AGAP1: variants seen among roughly 807,000 people sequenced by gnomAD.
AGAP1 encodes the protein arf-GAP with GTPase, ANK repeat and PH domain-containing protein 1.
In AGAP1, 29 loss-of-function variants were observed where a neutral mutation model predicts 105.3. The observed-to-expected ratio is 0.28, with a 90% CI of 0.21 to 0.38. AGAP1 has a LOEUF of 0.38. AGAP1 is among the 10% of genes least tolerant of loss of function. AGAP1 has a pLI of 1.00. For synonymous variants in AGAP1, 509 were observed against 485.9 expected, an observed-to-expected ratio of 1.05 and a Z score of -0.63; for missense variants, 998 against 1,165.1, an observed-to-expected ratio of 0.86 and a Z score of 2.09.
At chr2:235,918,165 C>T (rs1222391458) in intron 11 of AGAP1, among the ~76,000 whole-genome samples, 1 of 152,194 alleles carries the variant, frequency 6.6e-6, no homozygotes, top group African/African-American at 2.4e-5. Context: ...ACCAAGGTCA[C>T]TCGGGAGTTT....
At chr2:236,066,011 G>A (rs1044902925) in intron 16 of AGAP1, among the ~76,000 whole-genome samples, 2 of 152,180 alleles carry the variant, frequency 1.3e-5, no homozygotes, top group African/African-American at 2.4e-5. Flanking sequence ...GTCACTACTC[G>A]TGGCCCTCAG....
chr2:236,055,399 G>A lies in AGAP1; in HGVS notation c.2114+6118G>A, dbSNP rs1002359296. Among the ~76,000 whole-genome samples the A allele has an allele frequency of 6.6e-6, 1 of 152,252 alleles. No individual in the cohort carries two copies. The highest frequency in any genetic ancestry group is 2.1e-4 in the South Asian group (1 of 4,834). On this transcript the variant is annotated intron_variant, in intron 16 of 17. Coordinates refer to ENST00000304032, the MANE Select transcript of AGAP1 (RefSeq NM_001037131.3). This position sits in a 1 kb window ranked among gnomAD's most constrained non-coding sequence, Gnocchi z 6.2. The stretch of plus-strand genomic sequence containing the variant: ...GAGAATTCTGTTTGTGGAGGAAGCT[G>A]CTGTGCTCTGTGAGCCTCGTCTCTT...
intron 1 of AGAP1, among the ~76,000 whole-genome samples, chr2:235,587,148 T>TA (rs1945138502): frequency 6.6e-6 from 1 of 152,202 alleles, no homozygotes. Context: ...GTGGTGATAA[T>TA]AGACTCACGT....
At chr2:235,795,515 C>A (rs1160807957) in intron 6 of AGAP1, among the ~76,000 whole-genome samples, 1 of 152,128 alleles carries the variant, frequency 6.6e-6, no homozygotes, top group Non-Finnish European at 1.5e-5. Context: ...TTAAAGTTTT[C>A]CCTTATTCGT....
chr2:235,788,817 C>T lies in AGAP1; in HGVS notation c.674-8942C>T, dbSNP rs1956802495. On this transcript the variant is annotated intron_variant, in intron 6 of 17. Transcript: ENST00000304032. This position sits in a 1 kb window ranked among gnomAD's most constrained non-coding sequence, Gnocchi z 6.0. ...TCAGACCGGCAGTAGACAAAACCAG[C>T]TGCGGGGCCACACCACGTTAGGGTG... Among the ~76,000 whole-genome samples, 1 of 152,170 alleles carries T rather than the reference C, an allele frequency of 6.6e-6. No homozygotes were observed. The highest frequency in any genetic ancestry group is 1.5e-5 in the Non-Finnish European group (1 of 68,020).
intron 1 of AGAP1, among the ~76,000 whole-genome samples, chr2:235,513,926 G>A (rs1394056955): frequency 6.6e-6 from 1 of 152,146 alleles, no homozygotes; most frequent in Non-Finnish European, 1.5e-5. Context: ...GAACCCTCCC[G>A]AGAATGATTG....
chr2:236,000,650 G>T lies in AGAP1; in HGVS notation c.1645+32027G>T, dbSNP rs1231994145. 6.6e-6 allele frequency among the ~76,000 whole-genome samples: 1 copy of T among 152,224 alleles called. No individual in the cohort carries two copies. Among genetic ancestry groups the T allele is most frequent in the Non-Finnish European group, 1.5e-5 (1 of 68,034 alleles). Reference sequence around the variant, plus strand: ...GGACATCGTTGGCACTCACTTCCCTGCAGGGAGGTGCACAGTGAAGAATAA... The same window carrying T: ...GGACATCGTTGGCACTCACTTCCCTTCAGGGAGGTGCACAGTGAAGAATAA... On this transcript the variant is annotated intron_variant, in intron 13 of 17. Coordinates refer to ENST00000304032, the MANE Select transcript of AGAP1 (RefSeq NM_001037131.3). The surrounding 1 kb of genome is among the most constrained non-coding windows in gnomAD (Gnocchi z 4.3).
rs1189652225 is a variant in AGAP1 at position 235,751,832 on chromosome 2, G to A, written c.673+1344G>A. On this transcript the variant is annotated intron_variant, in intron 6 of 17. Transcript: ENST00000304032. The surrounding 1 kb of genome is among the most constrained non-coding windows in gnomAD (Gnocchi z 5.3). ...TATCCAGTGCCAATGCTGAAGAAGC[G>A]CAGGGTCCCCTGAGGATCAGCACAA... 6.6e-6 allele frequency among the ~76,000 whole-genome samples: 1 copy of A among 152,190 alleles called. No individual in the cohort carries two copies. Among genetic ancestry groups the A allele is most frequent in the Admixed American group, 6.5e-5 (1 of 15,282 alleles).
Position 235,934,781 on chromosome 2 carries a change from A to G in AGAP1, c.1483+3858A>G, listed in dbSNP as rs1050386295. On this transcript the variant is annotated intron_variant, in intron 12 of 17. Transcript: ENST00000304032. The surrounding 1 kb of genome is among the most constrained non-coding windows in gnomAD (Gnocchi z 4.9). ...CAGCAGGAATGAATGGGGAGAGCCT[A>G]AGCAGCTTTGGAATACAGACGCCCG... is the stretch of plus-strand genomic sequence containing the variant. 6.6e-6 allele frequency among the ~76,000 whole-genome samples: 1 copy of G among 151,966 alleles called. No individual in the cohort carries two copies. The highest frequency in any genetic ancestry group is 2.4e-5 in the African/African-American group (1 of 41,346).
At chr2:235,969,610 G>A (rs567910704) in intron 13 of AGAP1, among the ~76,000 whole-genome samples, 1 of 152,240 alleles carries the variant, frequency 6.6e-6, no homozygotes, top group African/African-American at 2.4e-5. Flanking sequence ...TCAAACCTGC[G>A]AGCTGTCAGA....
At chr2:235,998,733 TATG>T (rs1022263013) in intron 13 of AGAP1, among the ~76,000 whole-genome samples, 10 of 143,862 alleles carry the variant, frequency 7.0e-5, no homozygotes, top group Non-Finnish European at 1.1e-4. Flanking sequence ...ATGGTGATGG[TATG>T]ATGATTAATA....
Position 235,665,152 on chromosome 2 carries a change from G to A in AGAP1, c.164-44027G>A, listed in dbSNP as rs1191014158. On this transcript the variant is annotated intron_variant, in intron 1 of 17. Coordinates refer to ENST00000304032, the MANE Select transcript of AGAP1 (RefSeq NM_001037131.3). The surrounding 1 kb of genome is among the most constrained non-coding windows in gnomAD (Gnocchi z 5.3). ...GGATCACTTGAGCCCAGGAGTTCAA[G>A]GCTGTAGTGAGCTATGATCTTGCCA... is the stretch of plus-strand genomic sequence containing the variant. 6.6e-6 allele frequency among the ~76,000 whole-genome samples: 1 copy of A among 152,174 alleles called. No homozygotes were observed. Among genetic ancestry groups the A allele is most frequent in the African/African-American group, 2.4e-5 (1 of 41,430 alleles).
At chr2:235,644,472 G>A (rs919642817) in intron 1 of AGAP1, among the ~76,000 whole-genome samples, 8 of 152,034 alleles carry the variant, frequency 5.3e-5, no homozygotes, top group East Asian at 3.9e-4. Flanking sequence ...GATCGCCCCC[G>A]TTTATCTGAG....
chr2:235,809,092 G>A (rs1035871054), intron 9 of AGAP1, among the ~76,000 whole-genome samples: 1 of 152,058 alleles, frequency 6.6e-6, no homozygotes, highest in Non-Finnish European at 1.5e-5. Context: ...ATGCCTGTCT[G>A]TGGTTGATTT....
rs2058104286 is a variant in AGAP1 at position 236,058,469 on chromosome 2, G to A, written c.2114+9188G>A. 6.6e-6 allele frequency among the ~76,000 whole-genome samples: 1 copy of A among 152,196 alleles called. No homozygotes were observed. The highest frequency in any genetic ancestry group is 2.1e-4 in the South Asian group (1 of 4,832). Reference sequence around the variant, plus strand: ...ATACCACATTAATACAGTAAAGAGAGAAGAAAACATAATCTTTTCAAGGGA... The same window carrying A: ...ATACCACATTAATACAGTAAAGAGAAAAGAAAACATAATCTTTTCAAGGGA... On this transcript the variant is annotated intron_variant, in intron 16 of 17. Transcript: ENST00000304032. The surrounding 1 kb of genome is among the most constrained non-coding windows in gnomAD (Gnocchi z 4.6).
rs558555754 is a variant in AGAP1, at chr2:235,550,367, C to T, written c.163+55518C>T. Reference sequence around the variant, plus strand: ...TTGCCTTTTGAGCTCTTCATAAAATCACTGCCAGTGACTTCTCATAGCTGT... The same window carrying T: ...TTGCCTTTTGAGCTCTTCATAAAATTACTGCCAGTGACTTCTCATAGCTGT... On this transcript the variant is annotated intron_variant, in intron 1 of 17. Coordinates refer to ENST00000304032, the MANE Select transcript of AGAP1 (RefSeq NM_001037131.3). This position sits in a 1 kb window ranked among gnomAD's most constrained non-coding sequence, Gnocchi z 4.6. Among the ~76,000 whole-genome samples, 67 of 152,358 alleles carry T rather than the reference C, an allele frequency of 4.4e-4. No homozygotes were observed. The highest frequency in any genetic ancestry group is 3.4e-3 in the Middle Eastern group (1 of 294).
At position 235,788,147 on chromosome 2, in the gene AGAP1, G is replaced by A. The variant is rs963990310; in HGVS notation, c.674-9612G>A. 1.3e-5 allele frequency among the ~76,000 whole-genome samples: 2 copies of A among 152,166 alleles called. No homozygotes were observed. Among genetic ancestry groups the A allele is most frequent in the Non-Finnish European group, 2.9e-5 (2 of 68,018 alleles). On this transcript the variant is annotated intron_variant, in intron 6 of 17. Coordinates refer to ENST00000304032, the MANE Select transcript of AGAP1 (RefSeq NM_001037131.3). This position sits in a 1 kb window ranked among gnomAD's most constrained non-coding sequence, Gnocchi z 6.0. ...AGGGCAGGAGGTTTTGAAAGGACAT[G>A]ATCATACACAGTACTTAGCTCAAGT...
intron 1 of AGAP1, among the ~76,000 whole-genome samples, chr2:235,589,207 T>G (rs1277469089): frequency 5.5e-4 from 63 of 115,118 alleles, no homozygotes; most frequent in African/African-American, 2.1e-3. Flanking sequence ...TTTTTTTTTT[T>G]TTTTTTTTTT....
intron 6 of AGAP1, among the ~76,000 whole-genome samples, chr2:235,766,537 G>T (rs115197025): frequency 1.3e-5 from 2 of 152,212 alleles, no homozygotes; most frequent in African/African-American, 4.8e-5. Context: ...CGTAAAGCGT[G>T]TGAAGTTACT....
Sources: gnomAD v4.1 joint callset for allele counts (sites outside exome capture counted in the v4.1 genomes callset) on GRCh38, gnomAD v4.1.1 for gene constraint, Gnocchi (gnomAD v3.1) non-coding constraint, MANE v1.5 for transcripts, NCBI Gene and HGNC (gene_info 2026-07-23, HGNC 2026-07-21) for gene names.